ANKRD12: variants seen among roughly 807,000 people sequenced by gnomAD.
The protein encoded by ANKRD12 is ankyrin repeat domain 12.
A neutral mutation model predicts 183.4 loss-of-function variants in ANKRD12; 85 were observed. The ratio of observed to expected loss-of-function variants is 0.46; its 90% confidence interval spans 0.39 to 0.56. ANKRD12 has a LOEUF of 0.56. Among genes scored for constraint, ANKRD12 ranks in the 20% least tolerant of loss-of-function variants. The pLI, the probability that ANKRD12 is intolerant of heterozygous loss-of-function variation, is 0.00. For synonymous variants in ANKRD12, 914 were observed against 800.2 expected (o/e 1.14, Z -2.40); for missense variants, 2,405 against 2,357.1 (o/e 1.02, Z -0.42).
intron 8 of ANKRD12, among the ~76,000 whole-genome samples, chr18:9,225,780 A>G (rs1164886634): frequency 6.6e-6 from 1 of 152,230 alleles, no homozygotes; most frequent in African/African-American, 2.4e-5. Flanking sequence ...CACTTACAGT[A>G]CTTTTTTAAA....
chr18:9,171,973 T>G (rs1293465529), intron 1 of ANKRD12, among the ~76,000 whole-genome samples: 2 of 149,320 alleles, frequency 1.3e-5, no homozygotes, highest in African/African-American at 2.5e-5. Context: ...TGAGCTGGGA[T>G]CGCACCATTG....
chr18:9,211,214 G>A (rs963561099), intron 5 of ANKRD12, among the ~76,000 whole-genome samples: 7 of 152,064 alleles, frequency 4.6e-5, no homozygotes, highest in Non-Finnish European at 8.8e-5. Context: ...GTGGACTCCA[G>A]CCTTCAATTT....
At chr18:9,262,044 T>C (rs1479464042) in intron 9 of ANKRD12, among the ~76,000 whole-genome samples, 1 of 152,212 alleles carries the variant, frequency 6.6e-6, no homozygotes, top group African/African-American at 2.4e-5. Flanking sequence ...AATGGTCAGT[T>C]CCAGTAAGTT....
At chr18:9,149,801 T>TTA (rs2078623726) in intron 1 of ANKRD12, among the ~76,000 whole-genome samples, 1 of 147,942 alleles carries the variant, frequency 6.8e-6, no homozygotes, top group Non-Finnish European at 1.5e-5. Context: ...AAATTTTATT[T>TTA]TTTTTTTTTT....
chr18:9,218,519 G>A (rs1427588383), intron 7 of ANKRD12, among the ~76,000 whole-genome samples: 2 of 152,060 alleles, frequency 1.3e-5, no homozygotes, highest in Non-Finnish European at 2.9e-5. Flanking sequence ...CATCCATAAA[G>A]CATTTTTTTA....
intron 12 of ANKRD12, among the ~76,000 whole-genome samples, chr18:9,280,158 TGG>T (rs2040041518): frequency 6.6e-6 from 1 of 151,852 alleles, no homozygotes; most frequent in Admixed American, 6.6e-5. Context: ...TGGGTTGGGG[TGG>T]GAGGATGGTT....
intron 3 of ANKRD12, among the ~76,000 whole-genome samples, chr18:9,197,733 TAA>T (rs751776157): frequency 9.2e-5 from 14 of 152,200 alleles, no homozygotes; most frequent in Admixed American, 1.3e-4. Flanking sequence ...TGTATCATTA[TAA>T]AGATCTTCAT....
intron 1 of ANKRD12, among the ~76,000 whole-genome samples, chr18:9,149,818 C>T (rs1339710246): frequency 3.1e-5 from 4 of 130,538 alleles, no homozygotes; most frequent in Middle Eastern, 4.6e-3. Context: ...TTTTTTGAGA[C>T]GGAGTCTCAC....
At chr18:9,234,771 G>A (rs1000728513) in intron 8 of ANKRD12, among the ~76,000 whole-genome samples, 1 of 152,154 alleles carries the variant, frequency 6.6e-6, no homozygotes, top group Non-Finnish European at 1.5e-5. Context: ...TCCCTGTCTG[G>A]TGCAATGCTT....
At chr18:9,234,549 G>A (rs1349732143) in intron 8 of ANKRD12, among the ~76,000 whole-genome samples, 1 of 152,160 alleles carries the variant, frequency 6.6e-6, no homozygotes, top group Admixed American at 6.5e-5. Flanking sequence ...AAACCCCATA[G>A]CACCTTTGGG....
At position 9,221,909 on chromosome 18, in the gene ANKRD12, G is replaced by A; in HGVS notation, c.853G>A (p.Glu285Lys). 6.2e-7 allele frequency: 1 copy of A among 1,614,030 alleles called. No homozygotes were observed. The highest frequency in any genetic ancestry group is 8.5e-7 in the Non-Finnish European group (1 of 1,179,960). The part of the protein sequence containing the change: ...GNPFQANKHG[E>K]RPVDVAETEE... ...TCCATTTCAAGCTAATAAACATGGG[G>A]AGCGTCCAGTGGATGTAGCAGAAAC... The change falls in exon 8 of 13, where the codon GAG (glutamate) becomes AAG (lysine). Residue 285 changes from glutamate (E) to lysine (K), a missense_variant. This residue lies in a region of ANKRD12 where 40 missense variants were observed against 54.2 expected (regional missense o/e 0.74). Transcript: ENST00000262126.
Position 9,255,708 on chromosome 18 carries a change from A to G in ANKRD12, c.2441A>G (p.His814Arg), listed in dbSNP as rs372460979. 12 of 1,598,490 alleles carry G rather than the reference A, an allele frequency of 7.5e-6. No homozygotes were observed. In the African/African-American group the frequency reaches 1.4e-4, roughly 18 times the overall value. Residue 814 changes from histidine to arginine, a missense_variant, in exon 9 of 13, where the codon CAT becomes CGT. His to Arg is a conservative substitution (Grantham distance 29, BLOSUM62 0). Coordinates refer to ENST00000262126, the MANE Select transcript of ANKRD12 (RefSeq NM_015208.5). The stretch of plus-strand genomic sequence containing the variant: ...ATAGACATTGAAAAACAAGAAAAGC[A>G]TATAAAGGAAAGTAAAGAAAAACCT... ...KEIDIEKQEKHIKESKEKPEK... is the reference protein window; with the variant it reads ...KEIDIEKQEKRIKESKEKPEK...
intron 12 of ANKRD12, 31 bp downstream of exon 12, chr18:9,279,675 A>G (rs1200815209): frequency 2.4e-6 from 3 of 1,252,622 alleles, no homozygotes. Context: ...GTTTAAATGA[A>G]TGCTTCCCCC....
At chr18:9,219,470 G>A (rs960478883) in intron 7 of ANKRD12, among the ~76,000 whole-genome samples, 2 of 152,148 alleles carry the variant, frequency 1.3e-5, no homozygotes, top group African/African-American at 4.8e-5. Context: ...TTGGAAGATA[G>A]AAATTGGAGA....
intron 1 of ANKRD12, among the ~76,000 whole-genome samples, chr18:9,165,834 G>C (rs1281155872): frequency 2.0e-5 from 3 of 148,030 alleles, no homozygotes; most frequent in African/African-American, 5.0e-5. Flanking sequence ...TCATCATTTA[G>C]CATTAGGTAT....
rs568106323 is a variant in ANKRD12 at position 9,188,388 on chromosome 18, G to A, written c.87+5869G>A. Among the ~76,000 whole-genome samples, 10 of 152,274 alleles carry A rather than the reference G, an allele frequency of 6.6e-5. No homozygotes were observed. In the South Asian group the frequency reaches 2.1e-3, roughly 32 times the overall value. On this transcript the variant is annotated intron_variant, in intron 2 of 12. Coordinates refer to ENST00000262126, the MANE Select transcript of ANKRD12 (RefSeq NM_015208.5). ...GAGGGAGACACTACCTCTGTCTTTC[G>A]AGGCTGTTTATCATACAAATACCCA...
At chr18:9,204,654 G>C in intron 4 of ANKRD12, 110 bp downstream of exon 4, 2 of 840,190 alleles carry the variant, frequency 2.4e-6, no homozygotes, top group South Asian at 3.8e-5. Context: ...GATATCTTTG[G>C]TTAAATAAAT....
chr18:9,137,225 C>CCG (rs2078135780), intron 1 of ANKRD12: 1 of 149,168 alleles, frequency 6.7e-6, no homozygotes, highest in African/African-American at 2.4e-5. Flanking sequence ...GGGGCCCCGC[C>CCG]CGCCGCCGCC....
chr18:9,244,991 A>G (rs2037876223), intron 8 of ANKRD12, among the ~76,000 whole-genome samples: 1 of 152,274 alleles, frequency 6.6e-6, no homozygotes, highest in East Asian at 1.9e-4. Context: ...TCTACCATGA[A>G]GTTTTATAAC....
Sources: gnomAD v4.1 joint callset for allele counts (sites outside exome capture counted in the v4.1 genomes callset) on GRCh38, gnomAD v4.1.1 for gene constraint, gnomAD v4.1.1 regional missense constraint, MANE v1.5 for transcripts, NCBI Gene and HGNC (gene_info 2026-07-23, HGNC 2026-07-21) for gene names.